The following ZFR variants were observed in gnomAD, a reference collection of about 807,000 sequenced individuals.
ZFR encodes zinc finger RNA-binding protein.
Under a neutral mutation model 130.7 loss-of-function variants are expected in ZFR, and 19 were observed. The ratio of observed to expected loss-of-function variants is 0.15; its 90% confidence interval spans 0.10 to 0.21. The LOEUF (loss-of-function observed/expected upper bound fraction) is 0.21. ZFR is among the 10% of genes least tolerant of loss of function. The pLI is 1.00. For missense variants in ZFR, 872 were observed against 1,321.5 expected, an observed-to-expected ratio of 0.66 and a Z score of 5.27; for synonymous variants, 466 against 456.9, an observed-to-expected ratio of 1.02 and a Z score of -0.25.
chr5:32,388,338 A>G (rs975412074), intron 13 of ZFR, 131 bp downstream of exon 13: 22 of 857,026 alleles, frequency 2.6e-5, no homozygotes, highest in Admixed American at 8.6e-5. Flanking sequence ...TACATGAAAT[A>G]TCGAACACAG....
chr5:32,439,077 C>T (rs1368883343), intron 2 of ZFR, among the ~76,000 whole-genome samples: 1 of 152,178 alleles, frequency 6.6e-6, no homozygotes, highest in Non-Finnish European at 1.5e-5. Context: ...TCTGGCTCAC[C>T]CTACTCTATT....
At chr5:32,422,472 T>G (rs924372126) in intron 2 of ZFR, among the ~76,000 whole-genome samples, 4 of 152,226 alleles carry the variant, frequency 2.6e-5, no homozygotes, top group Non-Finnish European at 5.9e-5. Flanking sequence ...TCTCTAACCA[T>G]CATCTGGACT....
rs1230489281 is a variant in ZFR, at chr5:32,387,473, A to ACC, written c.2499+74_2499+75dup. 1.9e-6 allele frequency: 3 copies of ACC among 1,551,460 alleles called. No homozygotes were observed. In the African/African-American group the frequency reaches 4.2e-5, roughly 21 times the overall value. ...ATTTTAAAGGCTGGCTTAGGTTTAA[A>ACC]CCGAAGCACAGTCAGTCCCGCCAAA... On this transcript the variant is annotated intron_variant, in intron 14 of 19. Transcript: ENST00000265069.
At chr5:32,408,954 G>T (rs1311359301) in intron 5 of ZFR, among the ~76,000 whole-genome samples, 1 of 152,142 alleles carries the variant, frequency 6.6e-6, no homozygotes. Flanking sequence ...GGTTTTCCAC[G>T]CATTTTAGCT....
chr5:32,380,016 T>C (rs555640529), intron 16 of ZFR, 59 bp downstream of exon 16: 4 of 1,394,806 alleles, frequency 2.9e-6, no homozygotes, highest in African/African-American at 1.4e-5. Context: ...GTTAAACATG[T>C]TGTACTGAAC....
chr5:32,387,878 A>T (rs952397687), intron 13 of ZFR, among the ~76,000 whole-genome samples, 179 bp from the exon 14 acceptor site: 14 of 152,198 alleles, frequency 9.2e-5, no homozygotes, highest in Admixed American at 2.0e-4. Flanking sequence ...GGATAAAAAA[A>T]AAAAATAATA....
chr5:32,384,341 T>C (rs1362275862), intron 15 of ZFR, among the ~76,000 whole-genome samples: 1 of 152,210 alleles, frequency 6.6e-6, no homozygotes, highest in Non-Finnish European at 1.5e-5. Flanking sequence ...AAAACTCATT[T>C]AAGATGCAAA....
intron 10 of ZFR, among the ~76,000 whole-genome samples, chr5:32,396,060 A>G (rs974573151): frequency 6.6e-6 from 1 of 152,046 alleles, no homozygotes; most frequent in African/African-American, 2.4e-5. Context: ...TCTCTAGAAA[A>G]ATACAAAAGC....
At chr5:32,436,603 C>A (rs1476229426) in intron 2 of ZFR, among the ~76,000 whole-genome samples, 1 of 152,114 alleles carries the variant, frequency 6.6e-6, no homozygotes, top group East Asian at 1.9e-4. Context: ...ATAATATATG[C>A]CAGATACTGT....
chr5:32,442,126 G>A lies in ZFR; in HGVS notation c.137+2103C>T, dbSNP rs140688447. Among the ~76,000 whole-genome samples the A allele has an allele frequency of 2.0e-3, 299 of 152,240 alleles. 1 individual carries two copies. The highest frequency in any genetic ancestry group is 6.9e-3 in the African/African-American group (287 of 41,528). ...AAAAACATTTCAGAAGTGCCACAAA[G>A]AACCCACCACTTTACAGTAAATAAA... On this transcript the variant is annotated intron_variant, in intron 2 of 19. Coordinates refer to ENST00000265069, the MANE Select transcript of ZFR (RefSeq NM_016107.5).
At chr5:32,366,427 T>C (rs9654389) in intron 17 of ZFR, among the ~76,000 whole-genome samples, 61,440 of 152,064 alleles carry the variant, frequency 0.4, 12,657 homozygotes, top group East Asian at 0.57. Flanking sequence ...GCTTTAAGAA[T>C]CAGGCATTTC....
At chr5:32,444,035 GCGGGC>G (rs1196893381) in intron 2 of ZFR, among the ~76,000 whole-genome samples, 189 bp downstream of exon 2, 9 of 145,426 alleles carry the variant, frequency 6.2e-5, no homozygotes, top group South Asian at 2.2e-4. Context: ...GCTCCCCGCC[GCGGGC>G]CGGGCCGGGC....
intron 2 of ZFR, among the ~76,000 whole-genome samples, chr5:32,435,993 C>T (rs553040074): frequency 1.6e-4 from 24 of 152,220 alleles, no homozygotes; most frequent in African/African-American, 5.5e-4. Flanking sequence ...GATAACTGTA[C>T]TAAATCCCTA....
intron 2 of ZFR, among the ~76,000 whole-genome samples, chr5:32,436,234 C>T (rs1309657562): frequency 3.4e-5 from 5 of 148,724 alleles, no homozygotes; most frequent in African/African-American, 1.2e-4. Context: ...CTGCAAGCTC[C>T]GCCTCCTGGG....
rs778531530 is a variant in ZFR, at chr5:32,385,607, C to T, written c.2542G>A (p.Glu848Lys). Residue 848 changes from glutamate (E) to lysine (K), a missense_variant, in exon 15 of 20, where the codon GAA becomes AAA. This residue lies in a region of ZFR where 225 missense variants were observed against 282.4 expected (regional missense o/e 0.80). Transcript: ENST00000265069. The stretch of plus-strand genomic sequence containing the variant: ...CATGAATTCAAAATTATTGCCGCTT[C>T]AGATACAGCACATTTTATGTCATAC... ...EKYDIKCAVS[E>K]AAIILNSCVE... The T allele has an allele frequency of 1.3e-5, 21 of 1,613,408 alleles. 1 individual carries two copies. The Middle Eastern group carries it at 2.8e-3, about 217-fold the overall frequency.
At chr5:32,421,357 A>C (rs1753953420) in intron 2 of ZFR, among the ~76,000 whole-genome samples, 1 of 152,238 alleles carries the variant, frequency 6.6e-6, no homozygotes. Flanking sequence ...TCAGTCTCTG[A>C]TTAATGGTCT....
chr5:32,403,448 A>G, intron 7 of ZFR, 51 bp from the exon 8 acceptor site: 1 of 1,571,518 alleles, frequency 6.4e-7, no homozygotes, highest in Non-Finnish European at 8.6e-7. Flanking sequence ...TAGATTTTGA[A>G]AAGTCTGCCT....
Position 32,390,376 on chromosome 5 carries a change from G to T in ZFR, c.2041C>A (p.Arg681Ser), listed in dbSNP as rs753860682. ...TAACCTCCATCTGGCATTCGGCGGC[G>T]ATCATCCCAATGATGTTGTTCTTCC... is the stretch of plus-strand genomic sequence containing the variant. Reference protein sequence around the residue: ...MEEEQHHWDDRRRMPDGGYPH... With the variant: ...MEEEQHHWDDSRRMPDGGYPH... The change falls in exon 12 of 20, where the codon CGC (arginine) becomes AGC (serine). Residue 681 changes from arginine to serine, a missense_variant. Around this residue, in one of 7 missense-constraint regions of ZFR, gnomAD observed 225 missense variants for 282.4 expected, o/e 0.80. Coordinates refer to ENST00000265069, the MANE Select transcript of ZFR (RefSeq NM_016107.5). The T allele has an allele frequency of 1.2e-6, 2 of 1,614,074 alleles. No homozygotes were observed. Among genetic ancestry groups the T allele is most frequent in the Non-Finnish European group, 1.7e-6 (2 of 1,179,988 alleles).
intron 11 of ZFR, 74 bp downstream of exon 11, chr5:32,395,085 C>A: frequency 6.8e-7 from 1 of 1,468,214 alleles, no homozygotes; most frequent in South Asian, 1.5e-5. Context: ...GAATGGGAGT[C>A]ACATGCTCAG....
Sources: gnomAD v4.1 joint callset for allele counts (sites outside exome capture counted in the v4.1 genomes callset) on GRCh38, gnomAD v4.1.1 for gene constraint, gnomAD v4.1.1 regional missense constraint, MANE v1.5 for transcripts, NCBI Gene and HGNC (gene_info 2026-07-23, HGNC 2026-07-21) for gene names.